Variants in GAS2L2 observed in about 807,000 individuals in gnomAD.
The protein encoded by GAS2L2 is GAS2-like protein 2.
GAS2L2 carries 21 observed loss-of-function variants against 35.2 expected under a neutral mutation model. The ratio of observed to expected loss-of-function variants is 0.60; its 90% CI spans 0.42 to 0.86. The LOEUF is 0.86. Ranked by LOEUF, GAS2L2 falls within the 40% of genes least tolerant of loss-of-function variation. The probability of loss-of-function intolerance (pLI) is 0.00; values close to 1 mark genes in which losing one functional copy is unlikely to be tolerated. For synonymous variants in GAS2L2, 490 were observed against 473.2 expected, an observed-to-expected ratio of 1.04 and a Z score of -0.46; for missense variants, 1,169 against 1,144.4, an observed-to-expected ratio of 1.02 and a Z score of -0.31.
Position 35,752,565 on chromosome 17 carries a change from C to A in GAS2L2, c.286G>T (p.Gly96Trp), listed in dbSNP as rs782574048. 1 of 1,613,882 alleles carries A rather than the reference C, an allele frequency of 6.2e-7. No individual in the cohort carries two copies. The highest frequency in any genetic ancestry group is 2.2e-5 in the East Asian group (1 of 44,872). ...QAQKIPMPRV[G>W]VSCNGAAQPG... is the part of the protein sequence containing the mutation. The stretch of plus-strand genomic sequence containing the variant: ...TGGGCGGCCCCATTGCAGGAGACCC[C>A]GACCCGGGGCATGGGAATCTTCTGG... Residue 96 changes from glycine to tryptophan, a missense_variant, in exon 1 of 6, where the codon GGG (glycine) becomes TGG (tryptophan). This residue lies in a region of GAS2L2 where 127 missense variants were observed against 146.1 expected (regional missense o/e 0.87). Transcript: ENST00000604641.
At position 35,744,683 on chromosome 17, in the gene GAS2L2, T is replaced by A; in HGVS notation, c.*171A>T. 1.6e-6 allele frequency: 1 copy of A among 610,630 alleles called. No individual in the cohort carries two copies. The highest frequency in any genetic ancestry group is 2.9e-6 in the Non-Finnish European group (1 of 347,806). The allele number at this position is 610,630 out of a possible 1,614,324, so 37.8% of individuals were successfully genotyped here. A position where few individuals can be genotyped will look rare whatever the true frequency, so the allele number is the denominator to read the frequency against. ...CTGGAGTTGGAGTGAGAGCAGTGGG[T>A]TGCCCCTTTGCTCAGATGAGCAGAT... On this transcript the variant is annotated 3_prime_UTR_variant, in exon 6 of 6. Coordinates refer to ENST00000604641, the MANE Select transcript of GAS2L2 (RefSeq NM_139285.4).
rs587725999 is a variant in GAS2L2 at position 35,747,143 on chromosome 17, G to T, written c.958C>A (p.Pro320Thr). Residue 320 changes from proline to threonine, a missense_variant, in exon 5 of 6, where the codon CCT (proline) becomes ACT (threonine). By Grantham distance (38) the Pro-to-Thr change is conservative. Transcript: ENST00000604641. ...GAGGTATATGTCTTCCAGTCCACAG[G>T]GGGTGGTGGGCTCTGTGAGCGGCTG... ...TISRSQSPPP[P>T]VDWKTYTSSD... 4.3e-6 allele frequency: 7 copies of T among 1,613,856 alleles called. No homozygotes were observed. Among genetic ancestry groups the T allele is most frequent in the Admixed American group, 1.7e-5 (1 of 60,004 alleles).
Position 35,750,150 on chromosome 17 carries a change from A to G in GAS2L2, c.554T>C (p.Leu185Pro), listed in dbSNP as rs1555599568. The G allele has an allele frequency of 2.1e-5, 34 of 1,609,116 alleles. No homozygotes were observed. Among genetic ancestry groups the G allele is most frequent in the Non-Finnish European group, 2.7e-5 (32 of 1,178,042 alleles). The change falls in exon 2 of 6, where the codon CTG becomes CCG. Residue 185 changes from leucine to proline, a missense_variant. Leu to Pro is a moderately conservative substitution (Grantham distance 98). This residue lies in a region of GAS2L2 where 1,035 missense variants were observed against 976.5 expected (regional missense o/e 1.06). Transcript: ENST00000604641. ...TGGCGGCGAGGGGTCGGGCGGGGGC[A>G]GGGCCAGCTCCCGCCGCACCTCCTC... ...IEEEVRRELA[L>P]PPPDPSPPAP...
Position 35,750,300 on chromosome 17 carries a change from G to C in GAS2L2, c.404C>G (p.Thr135Arg). Residue 135 changes from threonine (T) to arginine (R), a missense_variant, in exon 2 of 6, where the codon ACG (threonine) becomes AGG (arginine). Physicochemically the swap from Thr to Arg is moderately conservative, Grantham distance 71. Transcript: ENST00000604641. Reference protein sequence around the residue: ...MGIQEVLMFETEDLVLRKNVK... With the variant: ...MGIQEVLMFEREDLVLRKNVK... ...GTTCTTGCGCAGCACCAAGTCCTCC[G>C]TCTCGAACATCAGCACCTCTGGAGT... 9 of 1,613,906 alleles carry C rather than the reference G, an allele frequency of 5.6e-6. No homozygotes were observed. The highest frequency in any genetic ancestry group is 7.6e-6 in the Non-Finnish European group (9 of 1,179,952).
chr17:35,752,343 C>T (rs1319153662), intron 1 of GAS2L2, 123 bp downstream of exon 1: 13 of 975,492 alleles, frequency 1.3e-5, no homozygotes, highest in Non-Finnish European at 1.8e-5. Context: ...AGAGCTGGTT[C>T]AAGGCAAATC....
Position 35,746,150 on chromosome 17 carries a change from C to A in GAS2L2, c.1347G>T (p.Gly449=). Residue 449 remains glycine (G), a synonymous_variant, in exon 6 of 6, where the codon GGG becomes GGT. Transcript: ENST00000604641. ...RLRAIEATTK[G]ISARGPSPLP... is the part of the protein sequence containing the mutation. The stretch of plus-strand genomic sequence containing the variant: ...GGGGAGATGGTCCTCTTGCTGATAT[C>A]CCTTTGGTGGTGGCCTCAATGGCTC... 1 of 1,505,474 alleles carries A rather than the reference C, an allele frequency of 6.6e-7. No individual in the cohort carries two copies. The highest frequency in any genetic ancestry group is 1.4e-5 in the African/African-American group (1 of 71,604). 93.3% of individuals were successfully genotyped at this position (1,505,474 alleles called of 1,614,324 possible). A position where few individuals can be genotyped will look rare whatever the true frequency, so the allele number is the denominator to read the frequency against.
Position 35,747,099 on chromosome 17 carries a change from C to A in GAS2L2, c.1002G>T (p.Arg334Ser), listed in dbSNP as rs1333514435. The A allele has an allele frequency of 2.5e-6, 4 of 1,612,702 alleles. No homozygotes were observed. Among genetic ancestry groups the A allele is most frequent in the Non-Finnish European group, 3.4e-6 (4 of 1,179,394 alleles). Residue 334 changes from arginine to serine, a missense_variant, in exon 5 of 6, where the codon AGG (arginine) becomes AGT (serine). Around this residue, in one of 3 missense-constraint regions of GAS2L2, gnomAD observed 1,035 missense variants for 976.5 expected, o/e 1.06. Coordinates refer to ENST00000604641, the MANE Select transcript of GAS2L2 (RefSeq NM_139285.4). ...GTCTGGGGGAGGATGGGGTGGGGGG[C>A]CTCAGCCTTCGGTCTGAAGAGGTAT... is the stretch of plus-strand genomic sequence containing the variant. Reference protein sequence around the residue: ...KTYTSSDRRLRPPTPSSPRPR... With the variant: ...KTYTSSDRRLSPPTPSSPRPR...
Position 35,752,448 on chromosome 17 carries a change from A to G in GAS2L2, c.385+18T>C, listed in dbSNP as rs781789109. ...AAGATAAGCATCTGGAATGGGGACG[A>G]GGGTGCAGCGTGGTTACCTTGGATG... On this transcript the variant is annotated intron_variant, in intron 1 of 5. Transcript: ENST00000604641. 125 of 1,556,292 alleles carry G rather than the reference A, an allele frequency of 8.0e-5. No homozygotes were observed. Among genetic ancestry groups the G allele is most frequent in the Non-Finnish European group, 1.0e-4 (114 of 1,144,174 alleles).
At position 35,746,976 on chromosome 17, in the gene GAS2L2, C is replaced by T. The variant is rs1045327012; in HGVS notation, c.1085+40G>A. On this transcript the variant is annotated intron_variant, in intron 5 of 5. Coordinates refer to ENST00000604641, the MANE Select transcript of GAS2L2 (RefSeq NM_139285.4). ...GTGGTGACCTCTGAGAATGTGCACTCCAAAGGAAAAAGAGCCCCATCCCTG... is the reference window on the plus strand; with the variant it reads ...GTGGTGACCTCTGAGAATGTGCACTTCAAAGGAAAAAGAGCCCCATCCCTG... The T allele has an allele frequency of 9.3e-6, 14 of 1,510,478 alleles. No homozygotes were observed. The Admixed American group carries it at 2.0e-4, about 22-fold the overall frequency. The allele number at this position is 1,510,478 out of a possible 1,614,324, so 93.6% of individuals were successfully genotyped here. A position where few individuals can be genotyped will look rare whatever the true frequency, so the allele number is the denominator to read the frequency against.
chr17:35,745,125 T>G lies in GAS2L2; in HGVS notation c.2372A>C (p.Gln791Pro). ...CAGTGGCCTGGGGATTCGTGAAGGC[T>G]GCTTCTCAGGCCTGTGGTCTCTCCG... is the stretch of plus-strand genomic sequence containing the variant. The part of the protein sequence containing the change: ...RPRRDHRPEK[Q>P]PSRIPRPLAY... Residue 791 changes from glutamine to proline, a missense_variant, in exon 6 of 6, where the codon CAG becomes CCG. By Grantham distance (76) the Gln-to-Pro change is moderately conservative. Around this residue, in one of 3 missense-constraint regions of GAS2L2, gnomAD observed 1,035 missense variants for 976.5 expected, o/e 1.06. Transcript: ENST00000604641. 1 of 1,613,452 alleles carries G rather than the reference T, an allele frequency of 6.2e-7. No individual in the cohort carries two copies. The highest frequency in any genetic ancestry group is 8.5e-7 in the Non-Finnish European group (1 of 1,179,638).
rs781785259 is a variant in GAS2L2, at chr17:35,745,451, C to A, written c.2046G>T (p.Lys682Asn). The change falls in exon 6 of 6, where the codon AAG becomes AAT. Residue 682 changes from lysine (K) to asparagine (N), a missense_variant. Physicochemically the swap from Lys to Asn is moderately conservative, Grantham distance 94. Around this residue, in one of 3 missense-constraint regions of GAS2L2, gnomAD observed 1,035 missense variants for 976.5 expected, o/e 1.06. Coordinates refer to ENST00000604641, the MANE Select transcript of GAS2L2 (RefSeq NM_139285.4). ...TTCCCGGTCCTGGGGTAACAGCTGG[C>A]TTAGGGGAGCCAGTCGGGGCTGCCT... ...AWKAAPTGSP[K>N]PAVTPGPGSL... 6.3e-7 allele frequency: 1 copy of A among 1,584,590 alleles called. No homozygotes were observed. The highest frequency in any genetic ancestry group is 1.2e-5 in the South Asian group (1 of 86,190).
Position 35,749,116 on chromosome 17 carries a change from G to A in GAS2L2, c.729C>T (p.Phe243=). The change falls in exon 3 of 6, where the codon TTC becomes TTT. Residue 243 remains phenylalanine, a synonymous_variant. Transcript: ENST00000604641. The part of the protein sequence containing the change: ...YRVGDSNTLI[F]IRILRNHVMV... ...ACCCCCAGCCTGGACTTACCCGGATGAAGATGAGGGTGTTGGAGTCACCCA... is the reference window on the plus strand; with the variant it reads ...ACCCCCAGCCTGGACTTACCCGGATAAAGATGAGGGTGTTGGAGTCACCCA... The A allele has an allele frequency of 3.1e-6, 5 of 1,610,442 alleles. No individual in the cohort carries two copies. The highest frequency in any genetic ancestry group is 4.2e-6 in the Non-Finnish European group (5 of 1,176,676).
intron 1 of GAS2L2, among the ~76,000 whole-genome samples, chr17:35,751,705 T>C (rs2085704233): frequency 6.6e-6 from 1 of 151,766 alleles, no homozygotes; most frequent in Admixed American, 6.6e-5. Context: ...CTCCTTCCTT[T>C]ATGATGCAAA....
In GAS2L2 at chr17:35,745,618, A is replaced by G; in HGVS notation, c.1879T>C (p.Ser627Pro). The G allele has an allele frequency of 6.2e-7, 1 of 1,613,894 alleles. No individual in the cohort carries two copies. Among genetic ancestry groups the G allele is most frequent in the Non-Finnish European group, 8.5e-7 (1 of 1,180,012 alleles). ...ACCCCACTGCGAGGGATGACCCCAG[A>G]CCTTGTGCCCTGCGGACAGGCACTC... is the stretch of plus-strand genomic sequence containing the variant. ...VRSACPQGTRSGVIPRSGVYI... is the reference protein window; with the variant it reads ...VRSACPQGTRPGVIPRSGVYI... Residue 627 changes from serine (S) to proline (P), a missense_variant, in exon 6 of 6, where the codon TCT (serine) becomes CCT (proline). Coordinates refer to ENST00000604641, the MANE Select transcript of GAS2L2 (RefSeq NM_139285.4).
intron 4 of GAS2L2, among the ~76,000 whole-genome samples, chr17:35,747,520 G>C (rs1466990976): frequency 1.3e-5 from 2 of 152,118 alleles, no homozygotes; most frequent in African/African-American, 2.4e-5. Context: ...AGTGGCTGGA[G>C]GCGTTGATGG....
In GAS2L2 at chr17:35,752,468, T is replaced by C; in HGVS notation, c.383A>G (p.Gln128Arg). Residue 128 changes from glutamine to arginine, a missense_variant and splice_region_variant, in exon 1 of 6, where the codon CAA becomes CGA. This residue lies in a region of GAS2L2 where 1,035 missense variants were observed against 976.5 expected (regional missense o/e 1.06). Transcript: ENST00000604641. ...GGACGAGGGTGCAGCGTGGTTACCTTGGATGCCCATCTCCTTTCGACACCA... is the reference window on the plus strand; with the variant it reads ...GGACGAGGGTGCAGCGTGGTTACCTCGGATGCCCATCTCCTTTCGACACCA... ...IQWCRKEMGIQEVLMFETEDL... is the reference protein window; with the variant it reads ...IQWCRKEMGIREVLMFETEDL... 1 of 1,576,088 alleles carries C rather than the reference T, an allele frequency of 6.3e-7. No individual in the cohort carries two copies. Among genetic ancestry groups the C allele is most frequent in the East Asian group, 2.3e-5 (1 of 44,140 alleles).
At chr17:35,748,083 A>C in intron 3 of GAS2L2, 138 bp from the exon 4 acceptor site, 1 of 567,352 alleles carries the variant, frequency 1.8e-6, no homozygotes, top group East Asian at 3.1e-5. Flanking sequence ...TGTGTGCTGT[A>C]AAAAGGCAGC....
rs2085679721 is a variant in GAS2L2 at position 35,747,931 on chromosome 17, A to C, written c.750T>G (p.His250Gln). 6.2e-7 allele frequency: 1 copy of C among 1,613,484 alleles called. No homozygotes were observed. The highest frequency in any genetic ancestry group is 1.1e-5 in the South Asian group (1 of 91,048). ...AGCCGCCCCCTACACGTACCATCAC[A>C]TGGTTCCGGAGGATCTGAGGGGGCA... is the stretch of plus-strand genomic sequence containing the variant. ...TLIFIRILRN[H>Q]VMVRVGGGWD... The change falls in exon 4 of 6, where the codon CAT (histidine) becomes CAG (glutamine). Residue 250 changes from histidine (H) to glutamine (Q), a missense_variant. By Grantham distance (24) the His-to-Gln change is conservative. Around this residue, in one of 3 missense-constraint regions of GAS2L2, gnomAD observed 1,035 missense variants for 976.5 expected, o/e 1.06. Transcript: ENST00000604641.
At chr17:35,750,858 C>T (rs1372774614) in intron 1 of GAS2L2, among the ~76,000 whole-genome samples, 5 of 152,192 alleles carry the variant, frequency 3.3e-5, no homozygotes, top group Non-Finnish European at 5.9e-5. Context: ...TGAGCTAGAC[C>T]CTGAGCCTCA....
Sources: gnomAD v4.1 joint callset for allele counts (sites outside exome capture counted in the v4.1 genomes callset) on GRCh38, gnomAD v4.1.1 for gene constraint, gnomAD v4.1.1 regional missense constraint, MANE v1.5 for transcripts, NCBI Gene and HGNC (gene_info 2026-07-23, HGNC 2026-07-21) for gene names.